Variants in ZFP62 observed in about 807,000 individuals in gnomAD.
ZFP62 encodes the protein zinc finger protein 62 homolog.
A neutral mutation model predicts 56.4 loss-of-function variants in ZFP62; 44 were observed. That is an observed-to-expected ratio of 0.78 (90% CI 0.61 to 1.00). The LOEUF (loss-of-function observed/expected upper bound fraction) is 1.00. ZFP62 is among the 50% of genes least tolerant of loss of function. The pLI is 0.00. For missense variants in ZFP62, 1,030 were observed against 1,085.7 expected (o/e 0.95, Z 0.72); for synonymous variants, 421 against 388.9 (o/e 1.08, Z -0.97).
the ZFP62 span, among the ~76,000 whole-genome samples, chr5:180,836,702 G>A: frequency 2.0e-5 from 3 of 152,202 alleles, no homozygotes; most frequent in African/African-American, 4.8e-5. Flanking sequence ...TCGTGAAAAT[G>A]TAAACTGAGG....
intron 1 of ZFP62, among the ~76,000 whole-genome samples, chr5:180,857,500 T>G (rs1159228054): frequency 2.0e-5 from 3 of 152,166 alleles, no homozygotes; most frequent in Non-Finnish European, 4.4e-5. Flanking sequence ...CTTTTGTTTT[T>G]TTTTTGTTGT....
chr5:180,832,871 C>T, the ZFP62 span: 1 of 152,366 alleles, frequency 6.6e-6, no homozygotes, highest in South Asian at 2.1e-4. Context: ...GTGATTCTGA[C>T]ACTTGCTCAA....
chr5:180,853,997 G>A (rs1365695873), intron 1 of ZFP62, among the ~76,000 whole-genome samples: 1 of 152,178 alleles, frequency 6.6e-6, no homozygotes, highest in Non-Finnish European at 1.5e-5. Flanking sequence ...ATTCAAGCCT[G>A]TATGGCTGTA....
rs1172503969 is a variant in ZFP62, at chr5:180,848,308, T to G, written c.*484A>C. 1.9e-5 allele frequency: 19 copies of G among 985,582 alleles called. No individual in the cohort carries two copies. The highest frequency in any genetic ancestry group is 2.2e-5 in the Non-Finnish European group (18 of 830,158). 61.1% of individuals were successfully genotyped at this position (985,582 alleles called of 1,614,324 possible). A position where few individuals can be genotyped will look rare whatever the true frequency, so the allele number is the denominator to read the frequency against. ...TAAAGACCACTAATATTAAATAAAT[T>G]TATATTCCCTGAAACCTATCCTCCC... On this transcript the variant is annotated 3_prime_UTR_variant, in exon 2 of 2. Coordinates refer to ENST00000502412, the MANE Select transcript of ZFP62 (RefSeq NM_001172638.2).
At chr5:180,828,146 TTGTCTC>T in the ZFP62 span, among the ~76,000 whole-genome samples, 3 of 152,254 alleles carry the variant, frequency 2.0e-5, no homozygotes, top group South Asian at 2.1e-4. Flanking sequence ...TCTCTATACT[TTGTCTC>T]TGTGTCTTTT....
rs150179908 is a variant in ZFP62 at position 180,854,074 on chromosome 5, C to T, written c.2-2581G>A. Reference sequence around the variant, plus strand: ...TGCTGAAAGCCCAAAAAACAAAACACTCCAGTGGTAATGAGCACATCTAGT... The same window carrying T: ...TGCTGAAAGCCCAAAAAACAAAACATTCCAGTGGTAATGAGCACATCTAGT... On this transcript the variant is annotated intron_variant, in intron 1 of 1. Transcript: ENST00000502412. Among the ~76,000 whole-genome samples, 385 of 152,266 alleles carry T rather than the reference C, an allele frequency of 2.5e-3. 2 individuals carry two copies. The highest frequency in any genetic ancestry group is 0.024 in the East Asian group (126 of 5,190).
the ZFP62 span, chr5:180,830,008 G>A: frequency 3.1e-4 from 47 of 152,234 alleles, no homozygotes; most frequent in African/African-American, 1.1e-3. Flanking sequence ...TTGTCCCCAT[G>A]AAATATCTCC....
chr5:180,827,178 C>A, the ZFP62 span, among the ~76,000 whole-genome samples: 1 of 152,354 alleles, frequency 6.6e-6, no homozygotes, highest in East Asian at 1.9e-4. Flanking sequence ...GAGGACTAAG[C>A]TTTCTTTTCC....
the ZFP62 span, among the ~76,000 whole-genome samples, chr5:180,837,457 G>A: frequency 6.6e-6 from 1 of 152,220 alleles, no homozygotes. Context: ...TCGGTAGGAA[G>A]AAGCTGAATG....
chr5:180,828,841 G>A, the ZFP62 span, among the ~76,000 whole-genome samples: 1 of 152,192 alleles, frequency 6.6e-6, no homozygotes, highest in African/African-American at 2.4e-5. Context: ...AAGTAGGGAA[G>A]ATATTGCTGA....
At chr5:180,832,040 G>GA in the ZFP62 span, 2 of 152,916 alleles carry the variant, frequency 1.3e-5, no homozygotes, top group African/African-American at 4.8e-5. Context: ...AGTGAGCTGA[G>GA]ATCGCACCAT....
At chr5:180,840,862 T>A in the ZFP62 span, among the ~76,000 whole-genome samples, 2 of 151,378 alleles carry the variant, frequency 1.3e-5, no homozygotes, top group South Asian at 4.2e-4. Flanking sequence ...CAGGAATAAA[T>A]AAAAATGTTA....
At chr5:180,854,000 T>C (rs962909083) in intron 1 of ZFP62, among the ~76,000 whole-genome samples, 9 of 152,248 alleles carry the variant, frequency 5.9e-5, no homozygotes, top group African/African-American at 1.9e-4. Flanking sequence ...CAAGCCTGTA[T>C]GGCTGTATGC....
downstream of ZFP62, among the ~76,000 whole-genome samples, chr5:180,846,506 T>C (rs550904527): frequency 2.3e-4 from 35 of 152,332 alleles, no homozygotes; most frequent in Non-Finnish European, 4.6e-4. Flanking sequence ...GAGTACTCCA[T>C]GGCACCCTCC....
intron 1 of ZFP62, among the ~76,000 whole-genome samples, chr5:180,853,689 T>C (rs762455621): frequency 6.6e-6 from 1 of 152,192 alleles, no homozygotes; most frequent in Non-Finnish European, 1.5e-5. Context: ...TAGAAACGTA[T>C]TTGACTACGT....
the ZFP62 span, chr5:180,830,395 C>T: frequency 2.0e-5 from 3 of 152,458 alleles, no homozygotes; most frequent in South Asian, 2.1e-4. Context: ...TGGCGAGATC[C>T]GGAGCAACCT....
At chr5:180,844,950 C>T (rs1773379775), downstream of ZFP62, among the ~76,000 whole-genome samples, 1 of 152,128 alleles carries the variant, frequency 6.6e-6, no homozygotes, top group African/African-American at 2.4e-5. Flanking sequence ...TCATTCTAGG[C>T]AGCCTTCTAA....
At chr5:180,854,785 A>AG (rs759516458) in intron 1 of ZFP62, among the ~76,000 whole-genome samples, 1 of 152,156 alleles carries the variant, frequency 6.6e-6, no homozygotes, top group Non-Finnish European at 1.5e-5. Context: ...TGGAGAGAAG[A>AG]GGGGGGACTG....
the ZFP62 span, among the ~76,000 whole-genome samples, chr5:180,840,888 C>T: frequency 6.6e-6 from 1 of 151,860 alleles, no homozygotes; most frequent in African/African-American, 2.4e-5. Context: ...GTATTGCTAT[C>T]ACAGTATTTC....
Sources: gnomAD v4.1 joint callset for allele counts (sites outside exome capture counted in the v4.1 genomes callset) on GRCh38, gnomAD v4.1.1 for gene constraint, MANE v1.5 for transcripts, NCBI Gene and HGNC (gene_info 2026-07-23, HGNC 2026-07-21) for gene names.